Variants in DTNBP1 observed in about 807,000 individuals in gnomAD.
DTNBP1 encodes dysbindin.
Under a neutral mutation model 42.8 loss-of-function variants are expected in DTNBP1, and 35 were observed. That is an observed-to-expected ratio of 0.82 (90% CI 0.63 to 1.09). DTNBP1 has a LOEUF of 1.09. Ranked by LOEUF, DTNBP1 falls within the 50% of genes least tolerant of loss-of-function variation. DTNBP1 has a pLI of 0.00. For missense variants in DTNBP1, 457 were observed against 424.2 expected (o/e 1.08, Z -0.68); for synonymous variants, 171 against 162.2 (o/e 1.05, Z -0.41).
At chr6:15,637,723 T>C (rs1418102234) in intron 4 of DTNBP1, 21 bp downstream of exon 4, 16 of 1,613,326 alleles carry the variant, frequency 9.9e-6, no homozygotes, top group African/African-American at 1.3e-5. Flanking sequence ...GCCACGAGTA[T>C]AAGATTAGTC....
chr6:15,575,581 A>T (rs918807170), intron 7 of DTNBP1, among the ~76,000 whole-genome samples: 2 of 152,222 alleles, frequency 1.3e-5, no homozygotes, highest in South Asian at 4.1e-4. Context: ...AGAAGTAGCT[A>T]CCAGAGCTGT....
Position 15,556,009 on chromosome 6 carries a change from G to A in DTNBP1, c.512-22614C>T, listed in dbSNP as rs567980065. Among the ~76,000 whole-genome samples the A allele has an allele frequency of 9.2e-5, 14 of 152,214 alleles. 1 individual carries two copies. Among genetic ancestry groups the A allele is most frequent in the Admixed American group, 3.3e-4 (5 of 15,288 alleles). ...TGCAGCACTAATTGGCCAACTTTGC[G>A]TAAGTAGTATTTTGTCCAGGGTAAA... On this transcript the variant is annotated intron_variant, in intron 7 of 9. Coordinates refer to ENST00000344537, the MANE Select transcript of DTNBP1 (RefSeq NM_032122.5).
chr6:15,532,555 A>G (rs1475206543), intron 8 of DTNBP1, among the ~76,000 whole-genome samples: 2 of 152,192 alleles, frequency 1.3e-5, no homozygotes. Context: ...CAATTAGATA[A>G]GCAGACTCGA....
At chr6:15,628,360 T>C (rs544237577) in intron 4 of DTNBP1, among the ~76,000 whole-genome samples, 18 of 151,254 alleles carry the variant, frequency 1.2e-4, no homozygotes, top group African/African-American at 3.9e-4. Context: ...AATTTGAGTA[T>C]TCAAAACAGA....
At chr6:15,552,394 T>C (rs1481084680) in intron 7 of DTNBP1, among the ~76,000 whole-genome samples, 1 of 152,224 alleles carries the variant, frequency 6.6e-6, no homozygotes. Flanking sequence ...ATTGAGGGTT[T>C]ATTTAGAATA....
In DTNBP1 at chr6:15,637,772, C is replaced by A; in HGVS notation, c.194G>T (p.Arg65Ile). 6.2e-7 allele frequency: 1 copy of A among 1,613,780 alleles called. No homozygotes were observed. Among genetic ancestry groups the A allele is most frequent in the Non-Finnish European group, 8.5e-7 (1 of 1,180,018 alleles). ...YEDTWAALHR[R>I]AKDCASAGEL... ...TCCAGCACTTGCACAGTCTTTGGCT[C>A]TTCTGTGAAGTGCAGCCCATGTATC... is the stretch of plus-strand genomic sequence containing the variant. The change falls in exon 4 of 10, where the codon AGA (arginine) becomes ATA (isoleucine). Residue 65 changes from arginine (R) to isoleucine (I), a missense_variant. Coordinates refer to ENST00000344537, the MANE Select transcript of DTNBP1 (RefSeq NM_032122.5).
At chr6:15,524,740 C>T in intron 8 of DTNBP1, 71 bp from the exon 9 acceptor site, 1 of 1,581,708 alleles carries the variant, frequency 6.3e-7, no homozygotes, top group Non-Finnish European at 8.6e-7. Flanking sequence ...CTTCCATTGG[C>T]ATTAGGCTAA....
intron 4 of DTNBP1, among the ~76,000 whole-genome samples, chr6:15,628,828 G>A (rs1012482346): frequency 2.6e-5 from 4 of 152,192 alleles, no homozygotes; most frequent in Non-Finnish European, 5.9e-5. Flanking sequence ...TTATTTGTAT[G>A]TAGTACTAGA....
Position 15,659,335 on chromosome 6 carries a change from T to C in DTNBP1, c.56+3479A>G, listed in dbSNP as rs531510081. On this transcript the variant is annotated intron_variant, in intron 1 of 9. Transcript: ENST00000344537. ...ACAGCGGGAGCTGCACTGGCTGCAC[T>C]GAAGGAGCCCAGAAATGCCTGAGGC... 1.1e-4 allele frequency among the ~76,000 whole-genome samples: 16 copies of C among 152,320 alleles called. 1 individual carries two copies. The highest frequency in any genetic ancestry group is 3.4e-4 in the African/African-American group (14 of 41,572).
intron 6 of DTNBP1, among the ~76,000 whole-genome samples, chr6:15,599,537 T>C (rs1037651099): frequency 6.6e-6 from 1 of 152,170 alleles, no homozygotes; most frequent in African/African-American, 2.4e-5. Context: ...CAGAGTCAGA[T>C]ATGTGAAACT....
chr6:15,533,638 T>C, intron 7 of DTNBP1: 1 of 655,408 alleles, frequency 1.5e-6, no homozygotes, highest in Admixed American at 2.1e-5. Flanking sequence ...GCTGTTCCCT[T>C]TGCTGGAACG....
intron 3 of DTNBP1, among the ~76,000 whole-genome samples, chr6:15,638,324 C>T (rs1387086923): frequency 6.6e-6 from 1 of 152,048 alleles, no homozygotes; most frequent in Non-Finnish European, 1.5e-5. Flanking sequence ...GATGGGGTTT[C>T]ACCACATTGG....
At chr6:15,601,940 G>A (rs1345965685) in intron 6 of DTNBP1, among the ~76,000 whole-genome samples, 1 of 151,628 alleles carries the variant, frequency 6.6e-6, no homozygotes, top group Non-Finnish European at 1.5e-5. Flanking sequence ...CTATCTTTGG[G>A]GGAAAATGTC....
chr6:15,566,936 C>G (rs1490174007), intron 7 of DTNBP1, among the ~76,000 whole-genome samples: 2 of 152,122 alleles, frequency 1.3e-5, no homozygotes, highest in Admixed American at 6.5e-5. Flanking sequence ...GGTGATTCGC[C>G]GGCCTCAGCC....
At chr6:15,592,932 C>A (rs1776357065) in intron 7 of DTNBP1, 127 bp downstream of exon 7, 4 of 972,286 alleles carry the variant, frequency 4.1e-6, no homozygotes, top group Non-Finnish European at 4.6e-6. Context: ...CTACAAAAAA[C>A]AGTATTAAGT....
At chr6:15,549,807 T>C (rs1279080944) in intron 7 of DTNBP1, among the ~76,000 whole-genome samples, 1 of 152,224 alleles carries the variant, frequency 6.6e-6, no homozygotes. Flanking sequence ...TCAGTATTTT[T>C]AGGTTTAGTG....
intron 7 of DTNBP1, among the ~76,000 whole-genome samples, chr6:15,561,518 ACC>A (rs1253842381): frequency 6.6e-6 from 1 of 152,190 alleles, no homozygotes; most frequent in Non-Finnish European, 1.5e-5. Context: ...GCATCTCTCT[ACC>A]GTGAATACAA....
intron 7 of DTNBP1, among the ~76,000 whole-genome samples, chr6:15,566,226 A>G (rs2113501173): frequency 6.7e-6 from 1 of 150,340 alleles, no homozygotes; most frequent in East Asian, 2.0e-4. Context: ...GAGGCAGGAG[A>G]ATGGCGTGAA....
intron 7 of DTNBP1, among the ~76,000 whole-genome samples, chr6:15,538,233 C>T (rs1350758689): frequency 6.6e-6 from 1 of 152,046 alleles, no homozygotes; most frequent in Non-Finnish European, 1.5e-5. Flanking sequence ...AGATGTGAAG[C>T]GTGACAGGGA....
Sources: gnomAD v4.1 joint callset for allele counts (sites outside exome capture counted in the v4.1 genomes callset) on GRCh38, gnomAD v4.1.1 for gene constraint, MANE v1.5 for transcripts, NCBI Gene and HGNC (gene_info 2026-07-23, HGNC 2026-07-21) for gene names.